The following SOX5 variants were observed in gnomAD, a reference collection of about 807,000 sequenced individuals.
SOX5 encodes the protein transcription factor SOX-5.
SOX5 carries 9 observed loss-of-function variants against 92.0 expected under a neutral mutation model. That is an observed-to-expected ratio of 0.10 (90% confidence interval 0.06 to 0.17). SOX5 has a LOEUF of 0.17. Among genes scored for constraint, SOX5 ranks in the 10% least tolerant of loss-of-function variants. SOX5 has a pLI of 1.00. For synonymous variants in SOX5, 344 were observed against 336.3 expected (o/e 1.02, Z -0.25); for missense variants, 642 against 944.5 (o/e 0.68, Z 4.20).
chr12:24,324,211 G>A (rs1444893852), intron 2 of SOX5, among the ~76,000 whole-genome samples: 1 of 151,830 alleles, frequency 6.6e-6, no homozygotes, highest in East Asian at 1.9e-4. Flanking sequence ...CATAACATTA[G>A]TTCATTAAAA....
Position 23,534,098 on chromosome 12 carries a change from T to G in SOX5, c.*121A>C, listed in dbSNP as rs1458403766. 5 of 834,370 alleles carry G rather than the reference T, an allele frequency of 6.0e-6. No individual in the cohort carries two copies. Among genetic ancestry groups the G allele is most frequent in the Non-Finnish European group, 9.6e-6 (5 of 518,766 alleles). 51.7% of individuals were successfully genotyped at this position (834,370 alleles called of 1,614,324 possible). A position where few individuals can be genotyped will look rare whatever the true frequency, so the allele number is the denominator to read the frequency against. On this transcript the variant is annotated 3_prime_UTR_variant, in exon 15 of 15. Transcript: ENST00000451604. ...TTAGTCAGCTGATGTCCCAACTATT[T>G]AAGACTAACAGTTAAAGTAACAGTC...
chr12:24,543,854 A>T (rs1479418413), intron 1 of SOX5, among the ~76,000 whole-genome samples: 1 of 152,190 alleles, frequency 6.6e-6, no homozygotes, highest in African/African-American at 2.4e-5. Context: ...AAGAATCTTA[A>T]TTTTATTATT....
intron 1 of SOX5, among the ~76,000 whole-genome samples, chr12:24,517,707 T>G (rs1949921447): frequency 1.3e-5 from 2 of 151,790 alleles, no homozygotes; most frequent in African/African-American, 4.8e-5. Flanking sequence ...TTCCATGTTT[T>G]TTTTTTTTTT....
Position 23,981,519 on chromosome 12 carries a change from T to C in SOX5, c.-1-85495A>G, listed in dbSNP as rs1324683517. On this transcript the variant is annotated intron_variant, in intron 4 of 4. Transcript: ENST00000446891. ...CAGGAATAATGAGCAGAGATGAATT[T>C]GTTTTATTTATTGCATTTTTTCACT... Among the ~76,000 whole-genome samples, 5 of 152,316 alleles carry C rather than the reference T, an allele frequency of 3.3e-5. No individual in the cohort carries two copies. In the East Asian group the frequency reaches 9.6e-4, roughly 29 times the overall value.
chr12:24,408,474 A>T (rs1022730841), intron 1 of SOX5, among the ~76,000 whole-genome samples: 1 of 152,174 alleles, frequency 6.6e-6, no homozygotes, highest in South Asian at 2.1e-4. Context: ...CAGAGTCAAG[A>T]TACAGAACAT....
At position 24,393,489 on chromosome 12, in the gene SOX5, AC is replaced by A. The variant is rs1344249605; in HGVS notation, c.-250-24851del. ...TAGGGTCATCTGTACTGAGTCTACCACCCACCCCAAAATAAGTAGGTATCTG... is the reference window on the plus strand; with the variant it reads ...TAGGGTCATCTGTACTGAGTCTACCACCACCCCAAAATAAGTAGGTATCTG... On this transcript the variant is annotated intron_variant, in intron 1 of 4. Transcript: ENST00000446891. This position sits in a 1 kb window ranked among gnomAD's most constrained non-coding sequence, Gnocchi z 5.0. 6.6e-6 allele frequency among the ~76,000 whole-genome samples: 1 copy of A among 152,174 alleles called. No individual in the cohort carries two copies. The highest frequency in any genetic ancestry group is 1.5e-5 in the Non-Finnish European group (1 of 68,022).
At chr12:24,107,944 T>G (rs1400886447) in intron 4 of SOX5, among the ~76,000 whole-genome samples, 1 of 152,196 alleles carries the variant, frequency 6.6e-6, no homozygotes, top group Non-Finnish European at 1.5e-5. Context: ...ATACAGTGTA[T>G]AGGCTGCAAA....
At chr12:23,578,074 C>T (rs1195200669) in intron 9 of SOX5, among the ~76,000 whole-genome samples, 1 of 122,094 alleles carries the variant, frequency 8.2e-6, no homozygotes, top group South Asian at 2.8e-4. Context: ...TGAGTTAGAT[C>T]GTGCCACTGC....
intron 4 of SOX5, among the ~76,000 whole-genome samples, chr12:24,198,316 T>C (rs969081163): frequency 1.4e-4 from 21 of 152,140 alleles, no homozygotes; most frequent in Admixed American, 3.9e-4. Context: ...ACTTGGATAA[T>C]GATTTGCTAT....
intron 6 of SOX5, among the ~76,000 whole-genome samples, chr12:23,691,804 A>G (rs1464569751): frequency 6.6e-6 from 1 of 152,182 alleles, no homozygotes; most frequent in Non-Finnish European, 1.5e-5. Flanking sequence ...TTCAAATTAA[A>G]AAATATCCTT....
intron 1 of SOX5, among the ~76,000 whole-genome samples, chr12:24,453,279 G>T (rs1199187308): frequency 1.3e-5 from 2 of 150,356 alleles, no homozygotes; most frequent in African/African-American, 4.9e-5. Context: ...TAAAAAAAAG[G>T]CACTATGTTT....
chr12:23,642,726 G>A (rs890705489), intron 7 of SOX5, among the ~76,000 whole-genome samples: 3 of 152,198 alleles, frequency 2.0e-5, no homozygotes, highest in Non-Finnish European at 2.9e-5. Context: ...GATGGGTTGA[G>A]TAAAATCACT....
At chr12:23,844,722 G>A (rs928518898) in intron 3 of SOX5, among the ~76,000 whole-genome samples, 9 of 152,084 alleles carry the variant, frequency 5.9e-5, no homozygotes, top group African/African-American at 2.2e-4. Flanking sequence ...GAATAGCTAT[G>A]ACTTCAGGTG....
At chr12:24,501,703 T>C (rs1377797224) in intron 1 of SOX5, among the ~76,000 whole-genome samples, 1 of 152,074 alleles carries the variant, frequency 6.6e-6, no homozygotes, top group Non-Finnish European at 1.5e-5. Context: ...GGTGTGCACC[T>C]GTAGCCCCAG....
At chr12:24,324,115 G>C (rs1234490349) in intron 2 of SOX5, among the ~76,000 whole-genome samples, 1 of 152,046 alleles carries the variant, frequency 6.6e-6, no homozygotes, top group Admixed American at 6.6e-5. Context: ...ATGGAATTGG[G>C]TCTTATATTT....
chr12:23,823,828 T>A (rs1017220076), intron 3 of SOX5, among the ~76,000 whole-genome samples: 1 of 152,220 alleles, frequency 6.6e-6, no homozygotes, highest in African/African-American at 2.4e-5. Flanking sequence ...CATTCTTTTT[T>A]CTCTAATCTT....
chr12:24,553,426 G>A lies in SOX5; in HGVS notation c.-251+8903C>T, dbSNP rs190324911. ...CACAGTAAACACTCAAGAGCTGTTCGTTTTCCTACTTCCCCATCGTGCAGG... is the reference window on the plus strand; with the variant it reads ...CACAGTAAACACTCAAGAGCTGTTCATTTTCCTACTTCCCCATCGTGCAGG... On this transcript the variant is annotated intron_variant, in intron 1 of 4. Transcript: ENST00000446891. Among the ~76,000 whole-genome samples, 10 of 152,106 alleles carry A rather than the reference G, an allele frequency of 6.6e-5. No homozygotes were observed. In the East Asian group the frequency reaches 7.7e-4, roughly 12 times the overall value.
At chr12:24,442,530 C>T (rs1389764380) in intron 1 of SOX5, among the ~76,000 whole-genome samples, 2 of 152,044 alleles carry the variant, frequency 1.3e-5, no homozygotes, top group South Asian at 2.1e-4. Context: ...AGAGCGGGTG[C>T]GGTTTGGGGT....
intron 4 of SOX5, among the ~76,000 whole-genome samples, chr12:24,064,241 T>A (rs1190187692): frequency 6.6e-6 from 1 of 152,182 alleles, no homozygotes; most frequent in African/African-American, 2.4e-5. Context: ...GGCCCTTCCC[T>A]AGCTAGCACC....
Sources: gnomAD v4.1 joint callset for allele counts (sites outside exome capture counted in the v4.1 genomes callset) on GRCh38, gnomAD v4.1.1 for gene constraint, Gnocchi (gnomAD v3.1) non-coding constraint, MANE v1.5 for transcripts, NCBI Gene and HGNC (gene_info 2026-07-23, HGNC 2026-07-21) for gene names.